Variants in HSD3B2 observed in about 807,000 individuals in gnomAD.
HSD3B2 encodes 3 beta-hydroxysteroid dehydrogenase/Delta 5-->4-isomerase type 2.
In HSD3B2, 8 loss-of-function variants were observed where a neutral mutation model predicts 9.9. That is an observed-to-expected ratio of 0.81 (90% CI 0.47 to 1.46). The LOEUF is 1.46. Ranked by LOEUF, HSD3B2 falls within the 40% of genes most tolerant of loss-of-function variation. HSD3B2 has a pLI of 0.00. For missense variants in HSD3B2, 410 were observed against 448.3 expected (o/e 0.91, Z 0.77); for synonymous variants, 221 against 184.5 (o/e 1.20, Z -1.60).
intron 2 of HSD3B2, among the ~76,000 whole-genome samples, chr1:119,419,013 A>G (rs1300772841): frequency 6.6e-6 from 1 of 152,098 alleles, no homozygotes; most frequent in Non-Finnish European, 1.5e-5. Flanking sequence ...GGAGACCCAA[A>G]ATCATAATTC....
rs9282703 is a variant in HSD3B2 at position 119,422,716 on chromosome 1, C to G, written c.*96C>G. ...ATACAGAAGGCAACAGGGGCACAAG[C>G]CCAGGTCCTGCTGCCTCTCTTTCAC... On this transcript the variant is annotated 3_prime_UTR_variant, in exon 4 of 4. Coordinates refer to ENST00000369416, the MANE Select transcript of HSD3B2 (RefSeq NM_000198.4). The G allele has an allele frequency of 7.4e-3, 10,570 of 1,422,414 alleles. 153 individuals carry two copies. Among genetic ancestry groups the G allele is most frequent in the African/African-American group, 0.061 (4,328 of 71,152 alleles). 88.1% of individuals were successfully genotyped at this position (1,422,414 alleles called of 1,614,324 possible).
intron 3 of HSD3B2, chr1:119,419,972 C>T (rs77163276): frequency 0.021 from 6,837 of 319,562 alleles, 325 homozygotes; most frequent in African/African-American, 0.11. Flanking sequence ...TCAGACCTTC[C>T]AGGTGCCACC....
At position 119,422,116 on chromosome 1, in the gene HSD3B2, G is replaced by A. The variant is rs747620720; in HGVS notation, c.615G>A (p.Leu205=). The A allele has an allele frequency of 6.2e-7, 1 of 1,614,106 alleles. No homozygotes were observed. The highest frequency in any genetic ancestry group is 2.2e-5 in the East Asian group (1 of 44,840). ...PFLSASINEA[L]NNNGILSSVG... ...TTTCTGCCAGTATAAATGAGGCCCT[G>A]AACAACAATGGGATCCTGTCAAGTG... Residue 205 remains leucine (L), a synonymous_variant, in exon 4 of 4, where the codon CTG becomes CTA. Coordinates refer to ENST00000369416, the MANE Select transcript of HSD3B2 (RefSeq NM_000198.4).
In HSD3B2 at chr1:119,415,431, C is replaced by T. The variant is rs928903200; in HGVS notation, c.12C>T (p.Ser4=). 4.0e-5 allele frequency: 65 copies of T among 1,613,818 alleles called. No homozygotes were observed. The highest frequency in any genetic ancestry group is 5.3e-5 in the Non-Finnish European group (63 of 1,179,902). Reference sequence around the variant, plus strand: ...TTGGATTGGCCACGATGGGCTGGAGCTGCCTTGTGACAGGAGCAGGAGGGC... The same window carrying T: ...TTGGATTGGCCACGATGGGCTGGAGTTGCCTTGTGACAGGAGCAGGAGGGC... MGW[S]CLVTGAGGLL... The change falls in exon 2 of 4, where the codon AGC becomes AGT. Residue 4 remains serine (S), a synonymous_variant. Transcript: ENST00000369416.
At chr1:119,420,532 A>C (rs1178553429) in intron 3 of HSD3B2, among the ~76,000 whole-genome samples, 3 of 152,116 alleles carry the variant, frequency 2.0e-5, no homozygotes, top group Non-Finnish European at 4.4e-5. Context: ...TTGACTTTCC[A>C]CAGCTCCCAA....
At position 119,421,403 on chromosome 1, in the gene HSD3B2, GTATATATATATA is replaced by G. The variant is rs1321607256; in HGVS notation, c.308-404_308-393del. On this transcript the variant is annotated intron_variant, in intron 3 of 3. Coordinates refer to ENST00000369416, the MANE Select transcript of HSD3B2 (RefSeq NM_000198.4). ...TATATATATATATGTATATATATAT[GTATATATATATA>G]TGTATATATATGTATATATATATAT... Among the ~76,000 whole-genome samples the G allele has an allele frequency of 7.4e-3, 492 of 66,828 alleles. 9 individuals carry two copies. Among genetic ancestry groups the G allele is most frequent in the African/African-American group, 0.036 (468 of 13,166 alleles). The allele number at this position is 66,828 out of a possible 152,430, so 43.8% of individuals were successfully genotyped here. A position where few individuals can be genotyped will look rare whatever the true frequency, so the allele number is the denominator to read the frequency against.
intron 2 of HSD3B2, among the ~76,000 whole-genome samples, chr1:119,416,665 A>G (rs1651721446): frequency 6.6e-6 from 1 of 152,168 alleles, no homozygotes; most frequent in Non-Finnish European, 1.5e-5. Flanking sequence ...TATCTTCTTC[A>G]TGCAGGTTCT....
chr1:119,422,368 G>C lies in HSD3B2; in HGVS notation c.867G>C (p.Leu289=), dbSNP rs1292390178. The change falls in exon 4 of 4, where the codon CTG becomes CTC. Residue 289 remains leucine, a synonymous_variant. Coordinates refer to ENST00000369416, the MANE Select transcript of HSD3B2 (RefSeq NM_000198.4). ...LDSRWSLPLT[L]MYWIGFLLEV... ...CCAGATGGAGCCTTCCTTTAACCCT[G>C]ATGTACTGGATTGGCTTCCTGCTGG... 1 of 1,614,086 alleles carries C rather than the reference G, an allele frequency of 6.2e-7. No homozygotes were observed. Among genetic ancestry groups the C allele is most frequent in the Admixed American group, 1.7e-5 (1 of 60,026 alleles).
chr1:119,419,920 A>T (rs1226341141), intron 3 of HSD3B2: 2 of 348,136 alleles, frequency 5.7e-6, no homozygotes, highest in African/African-American at 4.2e-5. Context: ...TCCAACTTCA[A>T]ATTCACGATA....
In HSD3B2 at chr1:119,422,392, G is replaced by T; in HGVS notation, c.891G>T (p.Leu297=). ...TGATGTACTGGATTGGCTTCCTGCTGGAAGTAGTGAGCTTCCTACTCAGCC... is the reference window on the plus strand; with the variant it reads ...TGATGTACTGGATTGGCTTCCTGCTTGAAGTAGTGAGCTTCCTACTCAGCC... ...LTLMYWIGFL[L]EVVSFLLSPI... Residue 297 remains leucine (L), a synonymous_variant, in exon 4 of 4, where the codon CTG becomes CTT. Transcript: ENST00000369416. The T allele has an allele frequency of 6.2e-7, 1 of 1,614,114 alleles. No individual in the cohort carries two copies. Among genetic ancestry groups the T allele is most frequent in the South Asian group, 1.1e-5 (1 of 91,076 alleles).
intron 3 of HSD3B2, among the ~76,000 whole-genome samples, chr1:119,421,121 T>C (rs749503155): frequency 1.3e-5 from 2 of 152,004 alleles, no homozygotes; most frequent in Non-Finnish European, 2.9e-5. Flanking sequence ...CCAGCAATTC[T>C]ATGTATATCT....
At chr1:119,421,111 C>T (rs1192908661) in intron 3 of HSD3B2, among the ~76,000 whole-genome samples, 1 of 151,900 alleles carries the variant, frequency 6.6e-6, no homozygotes, top group Admixed American at 6.6e-5. Flanking sequence ...GAGAAAAATA[C>T]CAGCAATTCT....
intron 3 of HSD3B2, among the ~76,000 whole-genome samples, chr1:119,421,464 TG>T (rs1557869573): frequency 0.39 from 8,353 of 21,374 alleles, 540 homozygotes; most frequent in South Asian, 0.5. Flanking sequence ...TATATATATA[TG>T]TATATATATA....
At chr1:119,421,649 T>A (rs1372894708) in intron 3 of HSD3B2, among the ~76,000 whole-genome samples, 160 bp from the exon 4 acceptor site, 1 of 151,716 alleles carries the variant, frequency 6.6e-6, no homozygotes, top group Non-Finnish European at 1.5e-5. Flanking sequence ...CCTACGGCTG[T>A]ATCATGACCC....
chr1:119,415,349 TAGAATC>T lies in HSD3B2; in HGVS notation c.-67_-62del. 6.5e-7 allele frequency: 1 copy of T among 1,540,046 alleles called. No individual in the cohort carries two copies. The highest frequency in any genetic ancestry group is 9.0e-7 in the Non-Finnish European group (1 of 1,114,394). On this transcript the variant is annotated 5_prime_UTR_variant, in exon 2 of 4. Transcript: ENST00000369416. The stretch of plus-strand genomic sequence containing the variant: ...TTTTTAGCCCTCTTCTGGGTCACGC[TAGAATC>T]AGATCTGCTCTCCAGCATCTTCTGT...
chr1:119,417,445 C>G (rs934206857), intron 2 of HSD3B2: 1 of 152,142 alleles, frequency 6.6e-6, no homozygotes, highest in African/African-American at 2.4e-5. Context: ...TTCCTTTGAG[C>G]CAGTCTGTCT....
rs1168506079 is a variant in HSD3B2, at chr1:119,415,171, C to T, written c.-121C>T. The stretch of plus-strand genomic sequence containing the variant: ...GGATGAGGCAGTAAGGACTTGGACT[C>T]CTCTGTCCAGCTTTTAACAATCTAA... On this transcript the variant is annotated 5_prime_UTR_variant, in exon 1 of 4. Coordinates refer to ENST00000369416, the MANE Select transcript of HSD3B2 (RefSeq NM_000198.4). 1.3e-5 allele frequency: 6 copies of T among 474,988 alleles called. No homozygotes were observed. Among genetic ancestry groups the T allele is most frequent in the African/African-American group, 2.0e-5 (1 of 50,972 alleles). The allele number at this position is 474,988 out of a possible 1,614,324, so 29.4% of individuals were successfully genotyped here. A position where few individuals can be genotyped will look rare whatever the true frequency, so the allele number is the denominator to read the frequency against.
intron 3 of HSD3B2, chr1:119,419,876 TTCTACTGTGGCCCCAA>T: frequency 2.5e-6 from 1 of 402,770 alleles, no homozygotes; most frequent in Non-Finnish European, 4.7e-6. Flanking sequence ...TGGAAGCTCT[TTCTACTGTGGCCCCAA>T]TCAAAAGTCA....
chr1:119,417,361 T>C (rs1406035538), intron 2 of HSD3B2: 1 of 152,210 alleles, frequency 6.6e-6, no homozygotes, highest in African/African-American at 2.4e-5. Flanking sequence ...TTTTCTGGTC[T>C]CTCTAGATCC....
Sources: gnomAD v4.1 joint callset for allele counts (sites outside exome capture counted in the v4.1 genomes callset) on GRCh38, gnomAD v4.1.1 for gene constraint, MANE v1.5 for transcripts, NCBI Gene and HGNC (gene_info 2026-07-23, HGNC 2026-07-21) for gene names.